Variants in ZNF311 observed in about 807,000 individuals in gnomAD.
The protein encoded by ZNF311 is zinc finger protein zfp31.
Under a neutral mutation model 22.7 loss-of-function variants are expected in ZNF311, and 14 were observed. The ratio of observed to expected loss-of-function variants is 0.62; its 90% CI spans 0.41 to 0.96. The LOEUF is 0.96. ZNF311 is among the 40% of genes least tolerant of loss of function. The pLI, the probability that ZNF311 is intolerant of heterozygous loss-of-function variation, is 0.00. For missense variants in ZNF311, 731 were observed against 799.0 expected (o/e 0.91, Z 1.03); for synonymous variants, 250 against 275.3 (o/e 0.91, Z 0.91).
Position 28,996,009 on chromosome 6 carries a change from G to A in ZNF311, c.993C>T (p.His331=), listed in dbSNP as rs1410995941. 8 of 1,613,432 alleles carry A rather than the reference G, an allele frequency of 5.0e-6. No individual in the cohort carries two copies. Among genetic ancestry groups the A allele is most frequent in the African/African-American group, 1.3e-5 (1 of 74,882 alleles). ...AGGCCTTCCCACAGTCCCTGCACTCGTGAGGCTTCTCCCCACTGTGGGTTT... is the reference window on the plus strand; with the variant it reads ...AGGCCTTCCCACAGTCCCTGCACTCATGAGGCTTCTCCCCACTGTGGGTTT... The part of the protein sequence containing the change: ...HKKTHSGEKP[H]ECRDCGKAFK... The change falls in exon 7 of 7, where the codon CAC becomes CAT. Residue 331 remains histidine, a synonymous_variant. Coordinates refer to ENST00000377179, the MANE Select transcript of ZNF311 (RefSeq NM_001382360.1).
In ZNF311 at chr6:28,995,120, C is replaced by T. The variant is rs767554164; in HGVS notation, c.1882G>A (p.Gly628Arg). 1.9e-6 allele frequency: 3 copies of T among 1,613,970 alleles called. No homozygotes were observed. The highest frequency in any genetic ancestry group is 2.5e-6 in the Non-Finnish European group (3 of 1,180,024). The change falls in exon 7 of 7, where the codon GGA becomes AGA. Residue 628 changes from glycine to arginine, a missense_variant. Physicochemically the swap from Gly to Arg is moderately radical, Grantham distance 125. Coordinates refer to ENST00000377179, the MANE Select transcript of ZNF311 (RefSeq NM_001382360.1). This position sits in a 1 kb window ranked among gnomAD's most constrained non-coding sequence, Gnocchi z 4.7. The part of the protein sequence containing the change: ...KAFRVSSNLT[G>R]HKKRKHQVWS... Reference sequence around the variant, plus strand: ...ACTTGATGTTTTCTTTTCTTATGTCCAGTAAGATTTGAGCTCACTCTAAAA... The same window carrying T: ...ACTTGATGTTTTCTTTTCTTATGTCTAGTAAGATTTGAGCTCACTCTAAAA...
chr6:29,003,797 G>C (rs574139469), intron 2 of ZNF311, 149 bp downstream of exon 2: 6 of 1,558,590 alleles, frequency 3.8e-6, no homozygotes, highest in Non-Finnish European at 5.2e-6. Flanking sequence ...ATGATCACCA[G>C]GTCAAGCAGC....
chr6:28,996,232 C>A lies in ZNF311; in HGVS notation c.770G>T (p.Ser257Ile), dbSNP rs370813308. The change falls in exon 7 of 7, where the codon AGT becomes ATT. Residue 257 changes from serine to isoleucine, a missense_variant. Physicochemically the swap from Ser to Ile is moderately radical, Grantham distance 142 (BLOSUM62 -2). Coordinates refer to ENST00000377179, the MANE Select transcript of ZNF311 (RefSeq NM_001382360.1). ...HECARCGKNF[S>I]WHSDLILHEQ... Reference sequence around the variant, plus strand: ...ATGGAGAATTAGATCTGAGTGCCAACTGAAGTTTTTGCCACACCTGGCACA... The same window carrying A: ...ATGGAGAATTAGATCTGAGTGCCAAATGAAGTTTTTGCCACACCTGGCACA... 6.8e-6 allele frequency: 11 copies of A among 1,613,318 alleles called. No individual in the cohort carries two copies. The African/African-American group carries it at 1.2e-4, about 18-fold the overall frequency.
rs761065852 is a variant in ZNF311 at position 28,995,793 on chromosome 6, G to A, written c.1209C>T (p.Thr403=). The A allele has an allele frequency of 5.0e-6, 8 of 1,613,604 alleles. No homozygotes were observed. The highest frequency in any genetic ancestry group is 1.3e-5 in the African/African-American group (1 of 74,816). The change falls in exon 7 of 7, where the codon ACC becomes ACT. Residue 403 remains threonine, a synonymous_variant. Coordinates refer to ENST00000377179, the MANE Select transcript of ZNF311 (RefSeq NM_001382360.1). The surrounding 1 kb of genome is among the most constrained non-coding windows in gnomAD (Gnocchi z 4.7). ...CCCCAGTGTGGATTCTTATGTGTTT[G>A]GTGAGGTCTGAACTCCCACTGAAGG... ...GKAFSGSSDL[T]KHIRIHTGER...
In ZNF311 at chr6:28,994,989, G is replaced by A; in HGVS notation, c.*12C>T. On this transcript the variant is annotated 3_prime_UTR_variant, in exon 7 of 7. Coordinates refer to ENST00000377179, the MANE Select transcript of ZNF311 (RefSeq NM_001382360.1). ...GTAGGAAAAACAGAAAGTAACACCA[G>A]AATCGTTATACTCAGGCACTGGTCA... 1.3e-6 allele frequency: 2 copies of A among 1,575,700 alleles called. No individual in the cohort carries two copies.
chr6:29,004,563 G>T (rs1419193509), intron 1 of ZNF311, among the ~76,000 whole-genome samples: 1 of 149,798 alleles, frequency 6.7e-6, no homozygotes, highest in Non-Finnish European at 1.5e-5. Context: ...AGGGCAGTCT[G>T]AGTAGTCCGT....
At chr6:28,996,621 A>T (rs375589785) in intron 6 of ZNF311, 35 bp from the exon 7 acceptor site, 76 of 1,546,282 alleles carry the variant, frequency 4.9e-5, no homozygotes, top group Non-Finnish European at 6.4e-5. Context: ...AGAGGGAAGG[A>T]AATAAGTGAG....
Position 28,996,253 on chromosome 6 carries a change from G to C in ZNF311, c.749C>G (p.Ala250Gly). 1.2e-6 allele frequency: 2 copies of C among 1,613,150 alleles called. No homozygotes were observed. Among genetic ancestry groups the C allele is most frequent in the Non-Finnish European group, 1.7e-6 (2 of 1,180,042 alleles). ...CCAACTGAAGTTTTTGCCACACCTG[G>C]CACATTCATGGAGTTTCTGTGCTAT... Reference protein sequence around the residue: ...VLIAQKLHECARCGKNFSWHS... With the variant: ...VLIAQKLHECGRCGKNFSWHS... The change falls in exon 7 of 7, where the codon GCC becomes GGC. Residue 250 changes from alanine (A) to glycine (G), a missense_variant. Ala to Gly is a moderately conservative substitution (Grantham distance 60). Transcript: ENST00000377179.
In ZNF311 at chr6:28,996,104, C is replaced by T. The variant is rs1299934984; in HGVS notation, c.898G>A (p.Glu300Lys). 7.4e-6 allele frequency: 12 copies of T among 1,613,224 alleles called. No individual in the cohort carries two copies. Among genetic ancestry groups the T allele is most frequent in the Non-Finnish European group, 9.3e-6 (11 of 1,180,034 alleles). ...LSMHRIIHTG[E>K]KPFNCTQCGK... ...CACTGGGTGCAATTAAAAGGTTTCTCCCCTGTGTGGATTATCCGGTGCATA... is the reference window on the plus strand; with the variant it reads ...CACTGGGTGCAATTAAAAGGTTTCTTCCCTGTGTGGATTATCCGGTGCATA... The change falls in exon 7 of 7, where the codon GAG (glutamate) becomes AAG (lysine). Residue 300 changes from glutamate (E) to lysine (K), a missense_variant. Glu to Lys is a moderately conservative substitution (Grantham distance 56, BLOSUM62 1). Coordinates refer to ENST00000377179, the MANE Select transcript of ZNF311 (RefSeq NM_001382360.1).
rs757757131 is a variant in ZNF311, at chr6:28,998,796, C to T, written c.353G>A (p.Arg118Gln). 5.0e-5 allele frequency: 80 copies of T among 1,612,840 alleles called. No homozygotes were observed. The highest frequency in any genetic ancestry group is 5.7e-5 in the Non-Finnish European group (67 of 1,180,018). ...ATCCTGCACACAGGGGTCTACTTCT[C>T]GCTCCAGATGAGAGATTAAAGGAGG... Reference protein sequence around the residue: ...PKPPLISHLEREVDPCVQDPQ... With the variant: ...PKPPLISHLEQEVDPCVQDPQ... The change falls in exon 6 of 7, where the codon CGA (arginine) becomes CAA (glutamine). Residue 118 changes from arginine to glutamine, a missense_variant. Arg to Gln is a conservative substitution (Grantham distance 43, BLOSUM62 1). Coordinates refer to ENST00000377179, the MANE Select transcript of ZNF311 (RefSeq NM_001382360.1).
intron 5 of ZNF311, among the ~76,000 whole-genome samples, chr6:28,999,271 T>C (rs1780089846): frequency 6.6e-6 from 1 of 151,950 alleles, no homozygotes; most frequent in Admixed American, 6.6e-5. Context: ...ATGTCTCCTT[T>C]TAACTCATTC....
chr6:28,996,075 C>G lies in ZNF311; in HGVS notation c.927G>C (p.Gly309=). 4 of 1,613,280 alleles carry G rather than the reference C, an allele frequency of 2.5e-6. No homozygotes were observed. Among genetic ancestry groups the G allele is most frequent in the Non-Finnish European group, 3.4e-6 (4 of 1,180,026 alleles). The part of the protein sequence containing the change: ...GEKPFNCTQC[G]KAFNSRSALC... ...GAGCTGATCTACTGTTGAAAGCCTT[C>G]CCACACTGGGTGCAATTAAAAGGTT... The change falls in exon 7 of 7, where the codon GGG becomes GGC. Residue 309 remains glycine, a synonymous_variant. Coordinates refer to ENST00000377179, the MANE Select transcript of ZNF311 (RefSeq NM_001382360.1).
In ZNF311 at chr6:28,995,693, G is replaced by T. The variant is rs145687726; in HGVS notation, c.1309C>A (p.His437Asn). Reference protein sequence around the residue: ...SSDLSKHKRIHTREKHYGCPQ... With the variant: ...SSDLSKHKRINTREKHYGCPQ... Reference sequence around the variant, plus strand: ...CACCCATAGTGTTTCTCCCGAGTATGGATTCGTTTGTGTTTGCTTAGGTCT... The same window carrying T: ...CACCCATAGTGTTTCTCCCGAGTATTGATTCGTTTGTGTTTGCTTAGGTCT... The change falls in exon 7 of 7, where the codon CAT (histidine) becomes AAT (asparagine). Residue 437 changes from histidine to asparagine, a missense_variant. Transcript: ENST00000377179. This position sits in a 1 kb window ranked among gnomAD's most constrained non-coding sequence, Gnocchi z 4.7. 9.9e-6 allele frequency: 16 copies of T among 1,613,650 alleles called. No homozygotes were observed. Among genetic ancestry groups the T allele is most frequent in the Non-Finnish European group, 1.4e-5 (16 of 1,180,026 alleles).
chr6:28,998,208 C>G (rs927291653), intron 6 of ZNF311, among the ~76,000 whole-genome samples: 1 of 149,784 alleles, frequency 6.7e-6, no homozygotes, highest in African/African-American at 2.5e-5. Flanking sequence ...TCACTGTGTC[C>G]CCCGGGTTGG....
chr6:29,004,255 G>A lies in ZNF311; in HGVS notation c.-260-41C>T, dbSNP rs751327069. The A allele has an allele frequency of 1.7e-4, 230 of 1,330,730 alleles. No homozygotes were observed. In the Middle Eastern group the frequency reaches 3.4e-3, roughly 20 times the overall value. The allele number at this position is 1,330,730 out of a possible 1,614,324, so 82.4% of individuals were successfully genotyped here. Reference sequence around the variant, plus strand: ...AGGGAAAAGAGGAATGTGACCACAGGAAAAAATAGGGAGTCACTGAGAACC... The same window carrying A: ...AGGGAAAAGAGGAATGTGACCACAGAAAAAAATAGGGAGTCACTGAGAACC... On this transcript the variant is annotated intron_variant, in intron 1 of 6. Transcript: ENST00000377179.
In ZNF311 at chr6:29,004,442, CTTTTTTTTTTT is replaced by C. The variant is rs9280531; in HGVS notation, c.-260-239_-260-229del. ...TCTTCAATCCTTGCCTTCCTCCTTT[CTTTTTTTTTTT>C]TTTTTTTTTTTTTTTTGAGACGGAG... On this transcript the variant is annotated intron_variant, in intron 1 of 6. Coordinates refer to ENST00000377179, the MANE Select transcript of ZNF311 (RefSeq NM_001382360.1). Among the ~76,000 whole-genome samples, 7 of 30,632 alleles carry C rather than the reference CTTTTTTTTTTT, an allele frequency of 2.3e-4. No individual in the cohort carries two copies. In the South Asian group the frequency reaches 4.5e-3, roughly 20 times the overall value. 20.1% of individuals were successfully genotyped at this position (30,632 alleles called of 152,430 possible). A position where few individuals can be genotyped will look rare whatever the true frequency, so the allele number is the denominator to read the frequency against.
At position 28,995,562 on chromosome 6, in the gene ZNF311, A is replaced by G. The variant is rs762487604; in HGVS notation, c.1440T>C (p.Phe480=). ...RYRCEECGKA[F]RHNCKRRAHE... The stretch of plus-strand genomic sequence containing the variant: ...GAGCCCTGCGCTTACAGTTATGACG[A>G]AAGGCTTTCCCACACTCCTCACACC... The change falls in exon 7 of 7, where the codon TTT becomes TTC. Residue 480 remains phenylalanine, a synonymous_variant. Coordinates refer to ENST00000377179, the MANE Select transcript of ZNF311 (RefSeq NM_001382360.1). The surrounding 1 kb of genome is among the most constrained non-coding windows in gnomAD (Gnocchi z 4.7). The G allele has an allele frequency of 6.2e-7, 1 of 1,613,666 alleles. No individual in the cohort carries two copies. Among genetic ancestry groups the G allele is most frequent in the South Asian group, 1.1e-5 (1 of 91,070 alleles).
rs760110383 is a variant in ZNF311 at position 28,995,817 on chromosome 6, G to A, written c.1185C>T (p.Ala395=). The A allele has an allele frequency of 1.9e-6, 3 of 1,613,698 alleles. No homozygotes were observed. Among genetic ancestry groups the A allele is most frequent in the South Asian group, 1.1e-5 (1 of 91,054 alleles). The change falls in exon 7 of 7, where the codon GCC becomes GCT. Residue 395 remains alanine (A), a synonymous_variant. Transcript: ENST00000377179. The surrounding 1 kb of genome is among the most constrained non-coding windows in gnomAD (Gnocchi z 4.7). ...TGGTGAGGTCTGAACTCCCACTGAA[G>A]GCCTTCCCGCACTCCTCACATTCAT... The part of the protein sequence containing the change: ...KPYECEECGK[A]FSGSSDLTKH...
intron 2 of ZNF311, 165 bp downstream of exon 2, chr6:29,003,781 G>C: frequency 6.6e-7 from 1 of 1,504,906 alleles, no homozygotes; most frequent in Non-Finnish European, 9.1e-7. Flanking sequence ...CAACTACAAA[G>C]CTTTAATGAT....
Sources: gnomAD v4.1 joint callset for allele counts (sites outside exome capture counted in the v4.1 genomes callset) on GRCh38, gnomAD v4.1.1 for gene constraint, Gnocchi (gnomAD v3.1) non-coding constraint, MANE v1.5 for transcripts, NCBI Gene and HGNC (gene_info 2026-07-23, HGNC 2026-07-21) for gene names.